The following TOP6BL variants were observed in gnomAD, a reference collection of about 807,000 sequenced individuals.
TOP6BL encodes TOP6B like initiator of meiotic double strand breaks.
the TOP6BL span, among the ~76,000 whole-genome samples, chr11:66,837,389 A>C: frequency 6.6e-6 from 1 of 151,748 alleles, no homozygotes; most frequent in Non-Finnish European, 1.5e-5. Flanking sequence ...GGCCTCCCAA[A>C]GTGCTGGGAT....
the TOP6BL span, among the ~76,000 whole-genome samples, chr11:66,776,304 C>T: frequency 6.6e-6 from 1 of 152,042 alleles, no homozygotes. Context: ...AGTGATCTGC[C>T]TGCCTCGGCC....
At chr11:66,758,176 C>A in the TOP6BL span, 1 of 977,392 alleles carries the variant, frequency 1.0e-6, no homozygotes, top group Non-Finnish European at 1.2e-6. Context: ...ATCTTTTTGT[C>A]CCCTCGTTGG....
At chr11:66,834,904 G>C in the TOP6BL span, among the ~76,000 whole-genome samples, 1 of 151,960 alleles carries the variant, frequency 6.6e-6, no homozygotes, top group African/African-American at 2.4e-5. Flanking sequence ...AGGAAGGAGT[G>C]AACAAGATAG....
the TOP6BL span, among the ~76,000 whole-genome samples, chr11:66,811,152 A>G: frequency 2.6e-5 from 4 of 151,910 alleles, no homozygotes; most frequent in South Asian, 2.1e-4. Flanking sequence ...ATATCTTGCT[A>G]TCATTTTCTA....
chr11:66,786,318 G>A, the TOP6BL span, among the ~76,000 whole-genome samples: 121 of 151,462 alleles, frequency 8.0e-4, no homozygotes, highest in East Asian at 0.022. Flanking sequence ...AAAAATTTCT[G>A]TTTTCTTTTT....
chr11:66,745,311 G>A, the TOP6BL span, among the ~76,000 whole-genome samples: 7 of 150,144 alleles, frequency 4.7e-5, no homozygotes, highest in East Asian at 4.0e-4. Context: ...TTGCGGGGCG[G>A]GGTGGGGGGA....
the TOP6BL span, chr11:66,796,422 AC>A: frequency 7.6e-7 from 1 of 1,323,228 alleles, no homozygotes; most frequent in East Asian, 2.4e-5. Flanking sequence ...TTTTCCAGAG[AC>A]CTTTACTGTG....
At chr11:66,760,811 C>G in the TOP6BL span, among the ~76,000 whole-genome samples, 6 of 150,546 alleles carry the variant, frequency 4.0e-5, no homozygotes, top group Non-Finnish European at 8.9e-5. Context: ...CACAAACAAA[C>G]AAACAAAAAA....
At chr11:66,747,173 G>A in the TOP6BL span, among the ~76,000 whole-genome samples, 12 of 151,970 alleles carry the variant, frequency 7.9e-5, no homozygotes, top group Non-Finnish European at 1.6e-4. Context: ...CTGACCTCAG[G>A]TGATCCACCG....
chr11:66,771,735 G>T, the TOP6BL span: 1 of 158,500 alleles, frequency 6.3e-6, no homozygotes, highest in Non-Finnish European at 1.4e-5. Flanking sequence ...AGCAGGAGAT[G>T]GCCGAGAAGA....
chr11:66,801,202 G>C, the TOP6BL span: 2 of 1,243,104 alleles, frequency 1.6e-6, no homozygotes, highest in Admixed American at 2.0e-5. Context: ...TCATTTGTAA[G>C]TGCCAGGTGT....
chr11:66,814,679 T>TGG, the TOP6BL span, among the ~76,000 whole-genome samples: 1 of 152,170 alleles, frequency 6.6e-6, no homozygotes, highest in African/African-American at 2.4e-5. Flanking sequence ...CTGTCAACTC[T>TGG]GGGCCTTTAC....
At chr11:66,752,513 A>G in the TOP6BL span, among the ~76,000 whole-genome samples, 1 of 151,858 alleles carries the variant, frequency 6.6e-6, no homozygotes, top group Non-Finnish European at 1.5e-5. Flanking sequence ...GTGTAGTGGC[A>G]TGATCTCGAC....
At chr11:66,775,103 ACT>A in the TOP6BL span, among the ~76,000 whole-genome samples, 15 of 113,918 alleles carry the variant, frequency 1.3e-4, no homozygotes, top group Non-Finnish European at 2.2e-4. Context: ...ACAGAGTGAG[ACT>A]CTGTCTCAAA....
chr11:66,755,444 A>C, the TOP6BL span, among the ~76,000 whole-genome samples: 1 of 152,092 alleles, frequency 6.6e-6, no homozygotes, highest in Non-Finnish European at 1.5e-5. Context: ...TTTTTATTAC[A>C]ATCATGTTTG....
chr11:66,836,973 A>G, the TOP6BL span, among the ~76,000 whole-genome samples: 1,639 of 152,090 alleles, frequency 0.011, 36 homozygotes, highest in African/African-American at 0.037. Context: ...TGCTGGGATT[A>G]TAGGCGTGAG....
At chr11:66,748,721 C>T in the TOP6BL span, among the ~76,000 whole-genome samples, 2 of 151,978 alleles carry the variant, frequency 1.3e-5, no homozygotes, top group African/African-American at 2.4e-5. Context: ...ATGACTCTTA[C>T]CATAGATTAT....
At chr11:66,761,563 T>C in the TOP6BL span, 2 of 1,098,620 alleles carry the variant, frequency 1.8e-6, no homozygotes, top group South Asian at 1.6e-5. Context: ...TGGCTTTCAG[T>C]GTCTGTCTGC....
At chr11:66,745,118 G>A in the TOP6BL span, among the ~76,000 whole-genome samples, 26 of 152,220 alleles carry the variant, frequency 1.7e-4, no homozygotes, top group South Asian at 5.4e-3. Flanking sequence ...ACTCTGTGGG[G>A]GAACGACGCC....
Sources: gnomAD v4.1 joint callset for allele counts (sites outside exome capture counted in the v4.1 genomes callset) on GRCh38, gnomAD v4.1.1 for gene constraint, MANE v1.5 for transcripts, NCBI Gene and HGNC (gene_info 2026-07-23, HGNC 2026-07-21) for gene names.